Variants in ZRANB3 observed in about 807,000 individuals in gnomAD.
ZRANB3 encodes the protein DNA annealing helicase and endonuclease ZRANB3.
Under a neutral mutation model 133.8 loss-of-function variants are expected in ZRANB3, and 125 were observed. The observed-to-expected ratio is 0.93, with a 90% CI of 0.81 to 1.08. The LOEUF (loss-of-function observed/expected upper bound fraction) is 1.08, where lower values mean the gene tolerates loss of function less well. Ranked by LOEUF, ZRANB3 falls within the 50% of genes least tolerant of loss-of-function variation. The pLI, the probability that ZRANB3 is intolerant of heterozygous loss-of-function variation, is 0.00. For missense variants in ZRANB3, 1,229 were observed against 1,275.5 expected (o/e 0.96, Z 0.56); for synonymous variants, 387 against 432.7 (o/e 0.89, Z 1.31).
intron 8 of ZRANB3, among the ~76,000 whole-genome samples, chr2:135,303,138 T>A (rs559494352): frequency 1.3e-5 from 2 of 152,264 alleles, no homozygotes; most frequent in South Asian, 2.1e-4. Context: ...ATTGAAAATA[T>A]TTTCTTCCAA....
intron 1 of ZRANB3, among the ~76,000 whole-genome samples, chr2:135,517,527 C>A (rs895027410): frequency 6.6e-6 from 1 of 152,194 alleles, no homozygotes; most frequent in Non-Finnish European, 1.5e-5. Context: ...AACAGTCAGG[C>A]CCCTCTGCTG....
chr2:135,290,032 A>G (rs192849628), intron 8 of ZRANB3, among the ~76,000 whole-genome samples: 3 of 152,346 alleles, frequency 2.0e-5, no homozygotes, highest in East Asian at 3.9e-4. Context: ...GTTGTTGGGT[A>G]GAATGTTCTC....
chr2:135,236,594 T>C (rs1695295532), intron 12 of ZRANB3, among the ~76,000 whole-genome samples: 1 of 152,096 alleles, frequency 6.6e-6, no homozygotes, highest in Non-Finnish European at 1.5e-5. Context: ...AACAGAGATA[T>C]AGACCAATGG....
chr2:135,316,524 T>C (rs1683260215), intron 6 of ZRANB3, among the ~76,000 whole-genome samples: 1 of 152,194 alleles, frequency 6.6e-6, no homozygotes, highest in Non-Finnish European at 1.5e-5. Context: ...TTACTAATAT[T>C]AATAATTTAA....
intron 2 of ZRANB3, among the ~76,000 whole-genome samples, chr2:135,466,012 T>C (rs1251367601): frequency 6.6e-6 from 1 of 152,216 alleles, no homozygotes; most frequent in Non-Finnish European, 1.5e-5. Flanking sequence ...TCATTTAAAT[T>C]AGGTATTTGA....
At chr2:135,220,285 C>T (rs1307434051) in intron 15 of ZRANB3, among the ~76,000 whole-genome samples, 1 of 151,530 alleles carries the variant, frequency 6.6e-6, no homozygotes, top group East Asian at 1.9e-4. Context: ...AGAAGAACAT[C>T]TCATACGAAA....
chr2:135,489,855 A>T (rs115386449), intron 2 of ZRANB3, among the ~76,000 whole-genome samples: 1 of 152,140 alleles, frequency 6.6e-6, no homozygotes, highest in Non-Finnish European at 1.5e-5. Flanking sequence ...ATCAACAAAT[A>T]TAAGCATATT....
At chr2:135,402,493 A>G (rs1404247987) in intron 2 of ZRANB3, among the ~76,000 whole-genome samples, 2 of 151,082 alleles carry the variant, frequency 1.3e-5, no homozygotes, top group Non-Finnish European at 2.9e-5. Context: ...ATGGGGATTC[A>G]CCGTGTTAGC....
At chr2:135,365,166 C>T (rs1359530085) in intron 3 of ZRANB3, among the ~76,000 whole-genome samples, 2 of 152,084 alleles carry the variant, frequency 1.3e-5, no homozygotes, top group African/African-American at 2.4e-5. Flanking sequence ...ACTTGGGAGG[C>T]TGAGGCAGGG....
chr2:135,317,737 T>C (rs559765479), intron 6 of ZRANB3, among the ~76,000 whole-genome samples: 1 of 152,150 alleles, frequency 6.6e-6, no homozygotes, highest in Non-Finnish European at 1.5e-5. Context: ...GGTACACTAT[T>C]GAGAGAAGTT....
At chr2:135,319,887 TGAG>T (rs1343102282) in intron 6 of ZRANB3, among the ~76,000 whole-genome samples, 1 of 152,122 alleles carries the variant, frequency 6.6e-6, no homozygotes, top group Non-Finnish European at 1.5e-5. Context: ...AGGAAAAATA[TGAG>T]AAGAGGAAGA....
intron 12 of ZRANB3, among the ~76,000 whole-genome samples, chr2:135,247,399 C>A (rs79032027): frequency 0.014 from 2,119 of 151,936 alleles, 32 homozygotes; most frequent in Non-Finnish European, 0.019. Flanking sequence ...TCCCATACAG[C>A]TGAATAAAAT....
chr2:135,505,145 G>A (rs1442367155), intron 1 of ZRANB3, among the ~76,000 whole-genome samples: 2 of 152,090 alleles, frequency 1.3e-5, no homozygotes, highest in African/African-American at 4.8e-5. Context: ...ACATAAAAAT[G>A]TCATATATCT....
chr2:135,308,069 C>T (rs898219814), intron 8 of ZRANB3, among the ~76,000 whole-genome samples: 1 of 151,980 alleles, frequency 6.6e-6, no homozygotes, highest in Non-Finnish European at 1.5e-5. Context: ...CTCCTGGTAC[C>T]AACTCAGCAT....
At chr2:135,405,712 G>C (rs1214152567) in intron 2 of ZRANB3, among the ~76,000 whole-genome samples, 1 of 152,178 alleles carries the variant, frequency 6.6e-6, no homozygotes, top group Non-Finnish European at 1.5e-5. Flanking sequence ...ACCTGCTCCT[G>C]AATGACTACT....
At chr2:135,377,294 C>T (rs1686472754) in intron 3 of ZRANB3, among the ~76,000 whole-genome samples, 1 of 152,126 alleles carries the variant, frequency 6.6e-6, no homozygotes, top group South Asian at 2.1e-4. Context: ...TAAATACACA[C>T]ACAAGTTAGT....
intron 4 of ZRANB3, chr2:135,353,237 T>G (rs977277440): frequency 1.1e-5 from 3 of 283,260 alleles, no homozygotes; most frequent in African/African-American, 2.2e-5. Flanking sequence ...ACATTTACTT[T>G]AAAAATATAC....
chr2:135,355,250 G>A, intron 3 of ZRANB3: 1 of 985,158 alleles, frequency 1.0e-6, no homozygotes, highest in Non-Finnish European at 1.2e-6. Flanking sequence ...TAATTAGTAT[G>A]TTTCCGTGTC....
intron 2 of ZRANB3, among the ~76,000 whole-genome samples, chr2:135,393,753 T>A (rs1431818514): frequency 6.6e-6 from 1 of 152,084 alleles, no homozygotes; most frequent in African/African-American, 2.4e-5. Flanking sequence ...AGAACAATTA[T>A]CCATAAAGAG....
Sources: allele counts gnomAD v4.1 joint callset (sites outside exome capture counted in the v4.1 genomes callset), GRCh38; gene constraint gnomAD v4.1.1; transcripts MANE v1.5; gene names NCBI Gene and HGNC (gene_info 2026-07-23, HGNC 2026-07-21).